SOCS2: variants seen among roughly 807,000 people sequenced by gnomAD.
SOCS2 encodes CIS-2.
A neutral mutation model predicts 18.6 loss-of-function variants in SOCS2; 10 were observed. The ratio of observed to expected loss-of-function variants is 0.54; its 90% CI spans 0.33 to 0.91. The LOEUF (loss-of-function observed/expected upper bound fraction) is 0.91, where lower values mean the gene tolerates loss of function less well. SOCS2 is among the 40% of genes least tolerant of loss of function. SOCS2 has a pLI of 0.02. For synonymous variants in SOCS2, 104 were observed against 104.0 expected (o/e 1.00, Z 0.00); for missense variants, 231 against 247.2 (o/e 0.93, Z 0.44).
At chr12:93,607,585 A>G in the SOCS2 span, among the ~76,000 whole-genome samples, 2 of 152,358 alleles carry the variant, frequency 1.3e-5, no homozygotes, top group South Asian at 4.1e-4. Flanking sequence ...GAATAGGGTG[A>G]GGCAAATGAG....
At chr12:93,590,940 T>C in the SOCS2 span, among the ~76,000 whole-genome samples, 1 of 151,840 alleles carries the variant, frequency 6.6e-6, no homozygotes, top group Non-Finnish European at 1.5e-5. Context: ...CCTGGTAATA[T>C]GATGAGTTAC....
At chr12:93,620,696 G>T in the SOCS2 span, among the ~76,000 whole-genome samples, 2 of 152,204 alleles carry the variant, frequency 1.3e-5, no homozygotes, top group South Asian at 4.1e-4. Flanking sequence ...TTACAGGCAT[G>T]AGCCACCATG....
the SOCS2 span, among the ~76,000 whole-genome samples, chr12:93,603,952 T>G: frequency 6.6e-6 from 1 of 152,164 alleles, no homozygotes; most frequent in Non-Finnish European, 1.5e-5. Context: ...CCGACTTAAA[T>G]CTATTGACTT....
upstream of SOCS2, chr12:93,570,338 G>T (rs934910998): frequency 7.2e-5 from 11 of 152,676 alleles, no homozygotes; most frequent in African/African-American, 2.4e-4. Context: ...CAGGGGGAGG[G>T]GACTAAGGAC....
downstream of SOCS2, among the ~76,000 whole-genome samples, chr12:93,579,142 C>T (rs544460616): frequency 3.9e-5 from 6 of 152,364 alleles, no homozygotes; most frequent in African/African-American, 7.2e-5. Flanking sequence ...AATGCCTGGG[C>T]GACTGCCCGC....
chr12:93,571,364 G>A (rs976575092), upstream of SOCS2: 3 of 152,268 alleles, frequency 2.0e-5, no homozygotes. Flanking sequence ...CCGAACCGCG[G>A]CTCTGCCCCG....
the SOCS2 span, among the ~76,000 whole-genome samples, chr12:93,625,579 C>T: frequency 6.6e-6 from 1 of 151,892 alleles, no homozygotes; most frequent in Non-Finnish European, 1.5e-5. Flanking sequence ...GAAACCCAGT[C>T]TCTACTAAAA....
the SOCS2 span, among the ~76,000 whole-genome samples, chr12:93,607,782 A>T: frequency 6.6e-6 from 1 of 152,182 alleles, no homozygotes; most frequent in African/African-American, 2.4e-5. Flanking sequence ...TCATCGTGTG[A>T]TGGGAACAGT....
the SOCS2 span, among the ~76,000 whole-genome samples, chr12:93,610,106 C>T: frequency 1.3e-5 from 2 of 152,194 alleles, no homozygotes; most frequent in African/African-American, 4.8e-5. Flanking sequence ...AAGTTTTTAA[C>T]ATATGAACTT....
chr12:93,593,735 A>G, the SOCS2 span, among the ~76,000 whole-genome samples: 1 of 152,224 alleles, frequency 6.6e-6, no homozygotes, highest in Admixed American at 6.5e-5. Context: ...CTGAAAACTC[A>G]TCTTAAATGA....
the SOCS2 span, among the ~76,000 whole-genome samples, chr12:93,616,782 C>T: frequency 6.6e-6 from 1 of 152,166 alleles, no homozygotes; most frequent in Middle Eastern, 3.2e-3. Context: ...TTGGCTGCTT[C>T]CCTGTTTTAA....
At chr12:93,614,540 CTTCTTTCTTTCTTTCT>C in the SOCS2 span, among the ~76,000 whole-genome samples, 101 of 37,132 alleles carry the variant, frequency 2.7e-3, 6 homozygotes, top group Middle Eastern at 0.012. Flanking sequence ...TCCTTCCTTC[CTTCTTTCTTTCTTTCT>C]TTCTTTCTTT....
chr12:93,582,711 T>C (rs527717756), intron 1 of SOCS2, among the ~76,000 whole-genome samples: 67 of 152,158 alleles, frequency 4.4e-4, no homozygotes, highest in Non-Finnish European at 7.2e-4. Flanking sequence ...AACTAGGAAT[T>C]GGAAAACTTG....
chr12:93,575,099 A>G lies in SOCS2; in HGVS notation c.517A>G (p.Lys173Glu), dbSNP rs150871727. 9 of 1,611,236 alleles carry G rather than the reference A, an allele frequency of 5.6e-6. No individual in the cohort carries two copies. The highest frequency in any genetic ancestry group is 1.3e-5 in the African/African-American group (1 of 74,838). ...GCATCTCTGTAGGCTCACCATTAACAAATGTACCGGTGCCATCTGGGGACT... is the reference window on the plus strand; with the variant it reads ...GCATCTCTGTAGGCTCACCATTAACGAATGTACCGGTGCCATCTGGGGACT... ...LQHLCRLTIN[K>E]CTGAIWGLPL... Residue 173 changes from lysine (K) to glutamate (E), a missense_variant, in exon 2 of 2, where the codon AAA becomes GAA. Lys to Glu is a moderately conservative substitution (Grantham distance 56). Around this residue, in one of 3 missense-constraint regions of SOCS2, gnomAD observed 122 missense variants for 127.2 expected, o/e 0.96. Transcript: ENST00000551556.
At chr12:93,620,092 A>G in the SOCS2 span, among the ~76,000 whole-genome samples, 4 of 152,208 alleles carry the variant, frequency 2.6e-5, no homozygotes, top group South Asian at 4.1e-4. Context: ...GGTAATCAAT[A>G]AATATTTGCT....
chr12:93,602,408 T>A, the SOCS2 span, among the ~76,000 whole-genome samples: 1 of 152,160 alleles, frequency 6.6e-6, no homozygotes, highest in Non-Finnish European at 1.5e-5. Flanking sequence ...TCCTCAGTAT[T>A]TGTAGCATAT....
the SOCS2 span, among the ~76,000 whole-genome samples, chr12:93,609,774 T>C: frequency 6.6e-6 from 1 of 152,226 alleles, no homozygotes; most frequent in Non-Finnish European, 1.5e-5. Context: ...TTGCCTACTG[T>C]CTTAGTTTGT....
At chr12:93,598,310 G>T in the SOCS2 span, among the ~76,000 whole-genome samples, 1 of 151,978 alleles carries the variant, frequency 6.6e-6, no homozygotes, top group Admixed American at 6.5e-5. Flanking sequence ...GAGGAAGTAG[G>T]AGATGAGCTC....
chr12:93,592,135 T>C, the SOCS2 span, among the ~76,000 whole-genome samples: 56 of 152,332 alleles, frequency 3.7e-4, 1 homozygote, highest in Middle Eastern at 0.017. Context: ...CTTTTTATTG[T>C]TCCAGAATTT....
Sources: allele counts gnomAD v4.1 joint callset (sites outside exome capture counted in the v4.1 genomes callset), GRCh38; gene constraint gnomAD v4.1.1; regional missense constraint gnomAD v4.1.1; transcripts MANE v1.5; gene names NCBI Gene and HGNC (gene_info 2026-07-23, HGNC 2026-07-21).